Variants in SEMA3E observed in about 807,000 individuals in gnomAD.
SEMA3E encodes the protein semaphorin 3E, also known as semaphorin-3E.
In SEMA3E, 49 loss-of-function variants were observed where a neutral mutation model predicts 93.6. That is an observed-to-expected ratio of 0.52 (90% CI 0.42 to 0.66). The LOEUF is 0.66. SEMA3E is among the 30% of genes least tolerant of loss of function. The pLI, the probability that SEMA3E is intolerant of heterozygous loss-of-function variation, is 0.00. For synonymous variants in SEMA3E, 363 were observed against 330.7 expected, an observed-to-expected ratio of 1.10 and a Z score of -1.06; for missense variants, 906 against 964.8, an observed-to-expected ratio of 0.94 and a Z score of 0.81.
intron 2 of SEMA3E, 45 bp downstream of exon 2, chr7:83,490,069 C>T (rs1294031761): frequency 1.3e-6 from 2 of 1,579,822 alleles, no homozygotes; most frequent in Middle Eastern, 1.7e-4. Flanking sequence ...TTGAAATTTC[C>T]CCCCTTTTCT....
chr7:83,573,034 G>A (rs920602431), intron 1 of SEMA3E, among the ~76,000 whole-genome samples: 2 of 152,212 alleles, frequency 1.3e-5, no homozygotes, highest in Admixed American at 1.3e-4. Flanking sequence ...ATTGACAAGC[G>A]AGACTGAATC....
chr7:83,514,748 G>C (rs1163800929), intron 1 of SEMA3E, among the ~76,000 whole-genome samples: 2 of 151,912 alleles, frequency 1.3e-5, no homozygotes, highest in Non-Finnish European at 2.9e-5. Context: ...TGAAGTTAGA[G>C]GTACATGGCC....
chr7:83,633,932 A>G (rs986283473), intron 1 of SEMA3E, among the ~76,000 whole-genome samples: 3 of 152,194 alleles, frequency 2.0e-5, no homozygotes, highest in African/African-American at 7.2e-5. Context: ...TCCCTGAAGT[A>G]GTTCCTTAAC....
At chr7:83,410,347 T>A (rs948315913) in intron 5 of SEMA3E, among the ~76,000 whole-genome samples, 10 of 152,114 alleles carry the variant, frequency 6.6e-5, no homozygotes, top group African/African-American at 7.2e-5. Context: ...ACAGAGTTTT[T>A]AAAAAGATAT....
chr7:83,632,542 C>T (rs921147495), intron 1 of SEMA3E, among the ~76,000 whole-genome samples: 1 of 152,164 alleles, frequency 6.6e-6, no homozygotes, highest in Non-Finnish European at 1.5e-5. Flanking sequence ...TGCCTGCTGT[C>T]ATCCATGTAA....
Position 83,575,821 on chromosome 7 carries a change from T to G in SEMA3E, c.115+72607A>C, listed in dbSNP as rs185188796. ...AAAATACCAATTCATAACTCCTTTT[T>G]GGAAGGACAGAGATATATATACTGT... On this transcript the variant is annotated intron_variant, in intron 1 of 16. Coordinates refer to ENST00000643230, the MANE Select transcript of SEMA3E (RefSeq NM_012431.3). Among the ~76,000 whole-genome samples, 88 of 152,328 alleles carry G rather than the reference T, an allele frequency of 5.8e-4. No homozygotes were observed. The South Asian group carries it at 8.1e-3, about 14-fold the overall frequency.
In SEMA3E at chr7:83,363,907, A is replaced by T. The variant is rs1794624819; in HGVS notation, c.*3679T>A. 1 of 86,544 alleles carries T rather than the reference A, an allele frequency of 1.2e-5. No homozygotes were observed. The highest frequency in any genetic ancestry group is 5.0e-5 in the African/African-American group (1 of 19,888). The allele number at this position is 86,544 out of a possible 1,614,324, so 5.4% of individuals were successfully genotyped here. ...TTTTTTTTTTTTTTTTTTTTTTTTG[A>T]GACGGAGTCTCGCTCTGTCGCCCAG... On this transcript the variant is annotated 3_prime_UTR_variant, in exon 17 of 17. Coordinates refer to ENST00000643230, the MANE Select transcript of SEMA3E (RefSeq NM_012431.3).
intron 1 of SEMA3E, among the ~76,000 whole-genome samples, chr7:83,504,993 T>C (rs949046846): frequency 2.6e-5 from 4 of 152,192 alleles, no homozygotes; most frequent in African/African-American, 9.6e-5. Flanking sequence ...CTGGATCTTA[T>C]TCATTTTGCT....
chr7:83,498,410 A>G (rs1355669616), intron 1 of SEMA3E, among the ~76,000 whole-genome samples: 1 of 152,214 alleles, frequency 6.6e-6, no homozygotes, highest in Non-Finnish European at 1.5e-5. Flanking sequence ...ATCCGATTTT[A>G]GTATCCATTT....
intron 1 of SEMA3E, among the ~76,000 whole-genome samples, chr7:83,500,937 T>A (rs887514520): frequency 1.3e-5 from 2 of 152,164 alleles, no homozygotes; most frequent in African/African-American, 4.8e-5. Context: ...TTGTCTGTGG[T>A]AACAAAGCTT....
Position 83,604,614 on chromosome 7 carries a change from T to TAC in SEMA3E, c.115+43812_115+43813dup, listed in dbSNP as rs938780012. On this transcript the variant is annotated intron_variant, in intron 1 of 16. Coordinates refer to ENST00000643230, the MANE Select transcript of SEMA3E (RefSeq NM_012431.3). ...ATATACACACACACATATATATATG[T>TAC]ACACACACATATATATATTTACTTT... Among the ~76,000 whole-genome samples, 76 of 151,600 alleles carry TAC rather than the reference T, an allele frequency of 5.0e-4. 1 individual carries two copies. Among genetic ancestry groups the TAC allele is most frequent in the African/African-American group, 1.8e-3 (73 of 41,274 alleles).
At chr7:83,581,854 C>T (rs1035380878) in intron 1 of SEMA3E, among the ~76,000 whole-genome samples, 2 of 152,004 alleles carry the variant, frequency 1.3e-5, no homozygotes, top group East Asian at 3.9e-4. Context: ...ATTTTTTCTG[C>T]CAATCAAGGA....
At chr7:83,369,942 G>A (rs952755873) in intron 16 of SEMA3E, among the ~76,000 whole-genome samples, 3 of 152,020 alleles carry the variant, frequency 2.0e-5, no homozygotes, top group African/African-American at 4.8e-5. Context: ...AAAATTTATC[G>A]CTGCATTTGA....
At chr7:83,583,192 T>C (rs918687430) in intron 1 of SEMA3E, among the ~76,000 whole-genome samples, 5 of 152,200 alleles carry the variant, frequency 3.3e-5, no homozygotes, top group African/African-American at 1.2e-4. Context: ...GTTAAACTGA[T>C]GTACCTTTAG....
chr7:83,390,017 GTA>G (rs139429358), intron 14 of SEMA3E, among the ~76,000 whole-genome samples: 294 of 15,782 alleles, frequency 0.019, 26 homozygotes, highest in East Asian at 0.051. Context: ...ATATATACGC[GTA>G]TATGTGTATA....
chr7:83,608,500 T>C (rs1438125412), intron 1 of SEMA3E, among the ~76,000 whole-genome samples: 2 of 152,186 alleles, frequency 1.3e-5, no homozygotes, highest in Non-Finnish European at 1.5e-5. Context: ...TTTTATATCA[T>C]TGAATTTATA....
chr7:83,416,838 G>A (rs879530200), intron 5 of SEMA3E, among the ~76,000 whole-genome samples: 5 of 151,866 alleles, frequency 3.3e-5, no homozygotes, highest in Non-Finnish European at 7.4e-5. Context: ...TGTATATTCT[G>A]TCAGTTGCAT....
intron 1 of SEMA3E, among the ~76,000 whole-genome samples, chr7:83,604,495 C>T (rs1465181562): frequency 6.8e-6 from 1 of 147,190 alleles, no homozygotes; most frequent in African/African-American, 2.5e-5. Context: ...AATTTTGACA[C>T]ATTTATGTGT....
chr7:83,446,129 A>C (rs936067408), intron 4 of SEMA3E, among the ~76,000 whole-genome samples: 5 of 152,242 alleles, frequency 3.3e-5, no homozygotes, highest in Admixed American at 6.5e-5. Context: ...TCAGGGTTAC[A>C]CAGTTAGTGT....
Sources: allele counts gnomAD v4.1 joint callset (sites outside exome capture counted in the v4.1 genomes callset), GRCh38; gene constraint gnomAD v4.1.1; transcripts MANE v1.5; gene names NCBI Gene and HGNC (gene_info 2026-07-23, HGNC 2026-07-21).